EPHA5: variants seen among roughly 807,000 people sequenced by gnomAD.
EPHA5 encodes the protein EPH receptor A5, also known as ephrin type-A receptor 5.
In EPHA5, 60 loss-of-function variants were observed where a neutral mutation model predicts 105.0. The observed-to-expected ratio is 0.57, with a 90% confidence interval of 0.46 to 0.71. The LOEUF is 0.71. Among genes scored for constraint, EPHA5 ranks in the 30% least tolerant of loss-of-function variants. The pLI is 0.00. For missense variants in EPHA5, 1,218 were observed against 1,274.7 expected (o/e 0.96, Z 0.68); for synonymous variants, 513 against 449.1 (o/e 1.14, Z -1.80).
chr4:65,341,046 C>G (rs1399316986), intron 14 of EPHA5, among the ~76,000 whole-genome samples: 1 of 151,996 alleles, frequency 6.6e-6, no homozygotes, highest in Admixed American at 6.6e-5. Context: ...ACATCTATCC[C>G]GGCTTCCCTT....
intron 3 of EPHA5, among the ~76,000 whole-genome samples, chr4:65,541,226 T>G (rs1335618695): frequency 6.6e-6 from 1 of 151,686 alleles, no homozygotes; most frequent in Non-Finnish European, 1.5e-5. Flanking sequence ...AGTATCAGGA[T>G]GATAGGATAA....
chr4:65,659,730 C>A (rs542063584), intron 1 of EPHA5, among the ~76,000 whole-genome samples: 2 of 152,040 alleles, frequency 1.3e-5, no homozygotes, highest in African/African-American at 4.8e-5. Flanking sequence ...TGCAAGCACA[C>A]GCATACATTT....
At chr4:65,333,729 C>T (rs1446901063) in intron 15 of EPHA5, among the ~76,000 whole-genome samples, 2 of 144,050 alleles carry the variant, frequency 1.4e-5, no homozygotes, top group African/African-American at 5.1e-5. Flanking sequence ...ATTTTCATAT[C>T]TTTAAAAAGT....
intron 15 of EPHA5, among the ~76,000 whole-genome samples, chr4:65,333,177 T>A (rs1713025255): frequency 6.6e-6 from 1 of 151,892 alleles, no homozygotes; most frequent in African/African-American, 2.4e-5. Context: ...AAAAATAATT[T>A]ACATGCCCAT....
intron 11 of EPHA5, among the ~76,000 whole-genome samples, chr4:65,359,055 C>A (rs1723574255): frequency 6.6e-6 from 1 of 151,538 alleles, no homozygotes; most frequent in Non-Finnish European, 1.5e-5. Flanking sequence ...GTTGTATTAA[C>A]AATGAAAATA....
chr4:65,542,689 G>A (rs183414862), intron 3 of EPHA5, among the ~76,000 whole-genome samples: 10 of 151,162 alleles, frequency 6.6e-5, no homozygotes, highest in Non-Finnish European at 1.3e-4. Flanking sequence ...GCAAACAATT[G>A]AAAATAAGGG....
chr4:65,563,365 C>G (rs1030732256), intron 3 of EPHA5, among the ~76,000 whole-genome samples: 1 of 151,894 alleles, frequency 6.6e-6, no homozygotes, highest in Non-Finnish European at 1.5e-5. Context: ...GTAAAGCATT[C>G]GAAATTATTT....
intron 6 of EPHA5, among the ~76,000 whole-genome samples, chr4:65,414,783 T>C (rs201067240): frequency 7.2e-5 from 11 of 152,110 alleles, no homozygotes; most frequent in South Asian, 2.1e-4. Flanking sequence ...GTGCTTTTTT[T>C]CCCTCCAATA....
intron 2 of EPHA5, among the ~76,000 whole-genome samples, chr4:65,616,428 TACACACAC>T (rs34942929): frequency 2.1e-4 from 30 of 143,552 alleles, no homozygotes; most frequent in African/African-American, 7.5e-4. Flanking sequence ...ACTTAATGCA[TACACACAC>T]ACACACACAC....
At chr4:65,424,561 C>A (rs779618376) in intron 5 of EPHA5, among the ~76,000 whole-genome samples, 4 of 151,930 alleles carry the variant, frequency 2.6e-5, no homozygotes, top group African/African-American at 9.7e-5. Flanking sequence ...GTAATAATAT[C>A]GGTTGTAAAA....
At chr4:65,640,442 C>G (rs13107901) in intron 2 of EPHA5, among the ~76,000 whole-genome samples, 1 of 151,880 alleles carries the variant, frequency 6.6e-6, no homozygotes, top group Non-Finnish European at 1.5e-5. Context: ...CCCACCACCA[C>G]GCCCAGCTAA....
At chr4:65,525,757 G>T (rs1202807901) in intron 3 of EPHA5, among the ~76,000 whole-genome samples, 1 of 151,830 alleles carries the variant, frequency 6.6e-6, no homozygotes, top group Non-Finnish European at 1.5e-5. Context: ...ACAGATCTAG[G>T]AGTGGTATAA....
At chr4:65,654,694 TAAA>T (rs1451418753) in intron 1 of EPHA5, among the ~76,000 whole-genome samples, 1 of 147,394 alleles carries the variant, frequency 6.8e-6, no homozygotes, top group East Asian at 1.9e-4. Flanking sequence ...TATTTATACA[TAAA>T]TATATAAATG....
At chr4:65,631,903 C>T (rs1458863816) in intron 2 of EPHA5, among the ~76,000 whole-genome samples, 1 of 151,838 alleles carries the variant, frequency 6.6e-6, no homozygotes, top group Non-Finnish European at 1.5e-5. Context: ...CCAGGGTAAA[C>T]ACAGTGATAC....
intron 8 of EPHA5, among the ~76,000 whole-genome samples, chr4:65,382,427 A>G (rs1719650115): frequency 6.6e-6 from 1 of 151,884 alleles, no homozygotes; most frequent in African/African-American, 2.4e-5. Flanking sequence ...CAATTAGCAA[A>G]TGTTATTAAA....
chr4:65,348,689 T>A (rs1455340240), intron 13 of EPHA5, among the ~76,000 whole-genome samples: 2 of 44,938 alleles, frequency 4.5e-5, no homozygotes, highest in African/African-American at 1.9e-4. Flanking sequence ...TATATATATA[T>A]ATATATATAA....
intron 6 of EPHA5, 58 bp from the exon 7 acceptor site, chr4:65,414,501 C>A (rs2149021468): frequency 1.3e-6 from 2 of 1,544,482 alleles, no homozygotes; most frequent in South Asian, 2.3e-5. Context: ...CTAATGACAG[C>A]AAAATTTAGA....
At chr4:65,474,164 G>A (rs1282359449) in intron 5 of EPHA5, among the ~76,000 whole-genome samples, 2 of 151,910 alleles carry the variant, frequency 1.3e-5, no homozygotes, top group Admixed American at 6.6e-5. Context: ...AGAACTTAAA[G>A]TATAACAATA....
chr4:65,485,637 C>T (rs1397605313), intron 5 of EPHA5, among the ~76,000 whole-genome samples: 1 of 152,150 alleles, frequency 6.6e-6, no homozygotes, highest in Non-Finnish European at 1.5e-5. Flanking sequence ...TATAGACTAT[C>T]AGCCTAATGC....
Sources: gnomAD v4.1 joint callset for allele counts (sites outside exome capture counted in the v4.1 genomes callset) on GRCh38, gnomAD v4.1.1 for gene constraint, MANE v1.5 for transcripts, NCBI Gene and HGNC (gene_info 2026-07-23, HGNC 2026-07-21) for gene names.